Variants in TEKT5 observed in about 807,000 individuals in gnomAD.
The protein encoded by TEKT5 is tektin 5.
In TEKT5, 52 loss-of-function variants were observed where a neutral mutation model predicts 48.7. The observed-to-expected ratio is 1.07, with a 90% CI of 0.86 to 1.35. TEKT5 has a LOEUF of 1.35. TEKT5 is among the 40% of genes most tolerant of loss of function. The pLI is 0.00. For synonymous variants in TEKT5, 318 were observed against 267.6 expected (o/e 1.19, Z -1.84); for missense variants, 831 against 641.6 (o/e 1.30, Z -3.19).
chr16:10,657,026 A>G (rs1296926515), intron 5 of TEKT5, among the ~76,000 whole-genome samples: 6 of 152,102 alleles, frequency 3.9e-5, no homozygotes, highest in Non-Finnish European at 8.8e-5. Context: ...GGTATGAGGC[A>G]TTGCACCCAG....
chr16:10,669,237 G>A (rs1898513226), intron 5 of TEKT5, among the ~76,000 whole-genome samples: 2 of 152,024 alleles, frequency 1.3e-5, no homozygotes, highest in South Asian at 4.1e-4. Context: ...GGAGGCTGAG[G>A]CCGGTGGATC....
At chr16:10,689,910 AG>A (rs766642451) in intron 2 of TEKT5, 31 bp downstream of exon 2, 1 of 1,611,450 alleles carries the variant, frequency 6.2e-7, no homozygotes, top group East Asian at 2.2e-5. Context: ...CGCCTCCTTC[AG>A]GGGGCTGGGC....
In TEKT5 at chr16:10,639,984, CTTCT is replaced by C. The variant is rs529994886; in HGVS notation, c.1087-4070_1087-4067del. Among the ~76,000 whole-genome samples, 283 of 148,042 alleles carry C rather than the reference CTTCT, an allele frequency of 1.9e-3. 2 individuals are homozygous for C. The highest frequency in any genetic ancestry group is 6.5e-3 in the African/African-American group (265 of 40,628). Reference sequence around the variant, plus strand: ...TAAAGCTTATGCATGCTTCTTCTTTCTTCTTTTTCTTCCTCCTCTTCCTCCTCCT... The same window carrying C: ...TAAAGCTTATGCATGCTTCTTCTTTCTTTTCTTCCTCCTCTTCCTCCTCCT... On this transcript the variant is annotated intron_variant, in intron 5 of 6. Coordinates refer to ENST00000283025, the MANE Select transcript of TEKT5 (RefSeq NM_144674.2).
chr16:10,688,536 G>A (rs1898905811), intron 3 of TEKT5, among the ~76,000 whole-genome samples: 2 of 152,218 alleles, frequency 1.3e-5, no homozygotes, highest in African/African-American at 4.8e-5. Context: ...GTGTCTCTGT[G>A]TCAAGAGGGA....
At chr16:10,664,352 A>T (rs931798819) in intron 5 of TEKT5, among the ~76,000 whole-genome samples, 1 of 152,202 alleles carries the variant, frequency 6.6e-6, no homozygotes, top group Non-Finnish European at 1.5e-5. Context: ...GGGCTTGTTA[A>T]AACTCAGATC....
At chr16:10,660,716 T>A (rs552754286) in intron 5 of TEKT5, among the ~76,000 whole-genome samples, 2 of 149,588 alleles carry the variant, frequency 1.3e-5, no homozygotes, top group African/African-American at 5.0e-5. Flanking sequence ...ATTTATTTAT[T>A]TGAAGACAGA....
At chr16:10,628,741 C>A (rs138278476) in intron 6 of TEKT5, among the ~76,000 whole-genome samples, 1 of 151,932 alleles carries the variant, frequency 6.6e-6, no homozygotes, top group African/African-American at 2.4e-5. Flanking sequence ...CCCATCTCTA[C>A]TGAAAATACA....
intron 4 of TEKT5, among the ~76,000 whole-genome samples, chr16:10,678,936 G>T (rs1003448837): frequency 2.0e-5 from 3 of 152,228 alleles, no homozygotes; most frequent in Non-Finnish European, 2.9e-5. Flanking sequence ...GGAGAGGACA[G>T]CTGGCTTTGC....
intron 5 of TEKT5, among the ~76,000 whole-genome samples, chr16:10,648,992 C>T (rs55790632): frequency 6.6e-6 from 1 of 152,124 alleles, no homozygotes; most frequent in South Asian, 2.1e-4. Context: ...CTCTGTTGCC[C>T]AGGCTGGAGT....
intron 1 of TEKT5, chr16:10,690,806 G>A (rs992303974): frequency 3.0e-6 from 3 of 984,606 alleles, no homozygotes; most frequent in African/African-American, 1.7e-5. Flanking sequence ...AAACCAGCCC[G>A]TGATGTCACA....
Position 10,652,869 on chromosome 16 carries a change from A to ACACACACACC in TEKT5, c.1087-16952_1087-16951insGGTGTGTGTG, listed in dbSNP as rs1178174946. On this transcript the variant is annotated intron_variant, in intron 5 of 6. Coordinates refer to ENST00000283025, the MANE Select transcript of TEKT5 (RefSeq NM_144674.2). ...CACACACACACACACACACACACAC[A>ACACACACACC]CCCTCCAGGTCAGGTAGAGCGATCC... 7.2e-4 allele frequency among the ~76,000 whole-genome samples: 64 copies of ACACACACACC among 88,938 alleles called. 5 individuals carry two copies. The highest frequency in any genetic ancestry group is 2.5e-3 in the African/African-American group (45 of 17,750). The allele number at this position is 88,938 out of a possible 152,430, so 58.3% of individuals were successfully genotyped here.
chr16:10,629,170 A>G (rs1412800852), intron 6 of TEKT5, among the ~76,000 whole-genome samples: 1 of 152,086 alleles, frequency 6.6e-6, no homozygotes, highest in African/African-American at 2.4e-5. Flanking sequence ...TCACAGAACT[A>G]GAGAGTGGTG....
chr16:10,678,278 T>C (rs1042969355), intron 4 of TEKT5, among the ~76,000 whole-genome samples: 1 of 152,098 alleles, frequency 6.6e-6, no homozygotes, highest in Non-Finnish European at 1.5e-5. Flanking sequence ...TTTGCATTTT[T>C]TGTAGAGACG....
At chr16:10,631,255 CAA>C (rs557852936) in intron 6 of TEKT5, among the ~76,000 whole-genome samples, 19 of 60,288 alleles carry the variant, frequency 3.2e-4, no homozygotes, top group Admixed American at 8.9e-4. Context: ...GACTCCATCT[CAA>C]AAAAAAAAAA....
chr16:10,691,069 G>C (rs1898965682), intron 1 of TEKT5, among the ~76,000 whole-genome samples: 1 of 152,222 alleles, frequency 6.6e-6, no homozygotes, highest in African/African-American at 2.4e-5. Context: ...GCTGGGCACA[G>C]CGCCTCCTTC....
chr16:10,659,210 T>G (rs1195568719), intron 5 of TEKT5, among the ~76,000 whole-genome samples: 4 of 152,204 alleles, frequency 2.6e-5, no homozygotes, highest in Non-Finnish European at 5.9e-5. Context: ...GTCACACATG[T>G]GCGCACACAC....
chr16:10,666,020 G>T (rs1898449942), intron 5 of TEKT5, among the ~76,000 whole-genome samples: 1 of 152,190 alleles, frequency 6.6e-6, no homozygotes, highest in African/African-American at 2.4e-5. Flanking sequence ...GCCGAGGCTG[G>T]TGGACCTCGG....
At chr16:10,635,489 G>C (rs933472245) in intron 6 of TEKT5, among the ~76,000 whole-genome samples, 1 of 152,086 alleles carries the variant, frequency 6.6e-6, no homozygotes, top group African/African-American at 2.4e-5. Flanking sequence ...GAGCACAACA[G>C]AGTTACAAAA....
rs185476702 is a variant in TEKT5 at position 10,658,442 on chromosome 16, A to C, written c.1086+17517T>G. Among the ~76,000 whole-genome samples the C allele has an allele frequency of 4.1e-3, 629 of 152,332 alleles. 4 individuals are homozygous for C. The highest frequency in any genetic ancestry group is 5.0e-3 in the Non-Finnish European group (342 of 68,038). On this transcript the variant is annotated intron_variant, in intron 5 of 6. Coordinates refer to ENST00000283025, the MANE Select transcript of TEKT5 (RefSeq NM_144674.2). Reference sequence around the variant, plus strand: ...ACTTCTAACACACACATACCAATACAATGGATGAACCTCACCAATACTATA... The same window carrying C: ...ACTTCTAACACACACATACCAATACCATGGATGAACCTCACCAATACTATA...
Sources: gnomAD v4.1 joint callset for allele counts (sites outside exome capture counted in the v4.1 genomes callset) on GRCh38, gnomAD v4.1.1 for gene constraint, MANE v1.5 for transcripts, NCBI Gene and HGNC (gene_info 2026-07-23, HGNC 2026-07-21) for gene names.